DIS3: variants seen among roughly 807,000 people sequenced by gnomAD.
The protein encoded by DIS3 is DIS3 exosome endoribonuclease and 3'-5' exoribonuclease.
DIS3 carries 103 observed loss-of-function variants against 113.0 expected under a neutral mutation model. That is an observed-to-expected ratio of 0.91 (90% CI 0.78 to 1.07). DIS3 has a LOEUF of 1.07. Among genes scored for constraint, DIS3 ranks in the 50% least tolerant of loss-of-function variants. The pLI, the probability that DIS3 is intolerant of heterozygous loss-of-function variation, is 0.00. For synonymous variants in DIS3, 402 were observed against 394.3 expected (o/e 1.02, Z -0.23); for missense variants, 1,121 against 1,167.1 (o/e 0.96, Z 0.58).
In DIS3 at chr13:72,763,668, A is replaced by G. The variant is rs1489184588; in HGVS notation, c.1971-61T>C. On this transcript the variant is annotated intron_variant, in intron 15 of 20. Transcript: ENST00000377767. ...AGAATCTGAGACTTCTATATATCAT[A>G]TTTTTTCACAGGTTACCTTTGTTAC... 11 of 1,486,078 alleles carry G rather than the reference A, an allele frequency of 7.4e-6. No individual in the cohort carries two copies. In the East Asian group the frequency reaches 2.1e-4, roughly 29 times the overall value. 92.1% of individuals were successfully genotyped at this position (1,486,078 alleles called of 1,614,324 possible). A position where few individuals can be genotyped will look rare whatever the true frequency, so the allele number is the denominator to read the frequency against.
intron 3 of DIS3, 122 bp downstream of exon 3, chr13:72,778,065 C>T: frequency 2.3e-6 from 2 of 873,974 alleles, no homozygotes; most frequent in Non-Finnish European, 3.2e-6. Context: ...AAAAATATCA[C>T]ATGAAGTTAT....
chr13:72,775,626 A>G (rs2138222819), intron 5 of DIS3, among the ~76,000 whole-genome samples: 1 of 152,292 alleles, frequency 6.6e-6, no homozygotes, highest in Admixed American at 6.5e-5. Context: ...ACTGGTAACA[A>G]GAGACTTTGG....
chr13:72,771,256 C>T (rs1024255996), intron 11 of DIS3, 111 bp from the exon 12 acceptor site: 4 of 876,032 alleles, frequency 4.6e-6, no homozygotes, highest in Admixed American at 2.9e-5. Flanking sequence ...GAGTGTTCTG[C>T]TTTTTGTAAA....
rs562588631 is a variant in DIS3 at position 72,753,981 on chromosome 13, T to C, written c.*5814A>G. 1.4e-6 allele frequency: 1 copy of C among 715,656 alleles called. No homozygotes were observed. Among genetic ancestry groups the C allele is most frequent in the South Asian group, 2.2e-5 (1 of 46,300 alleles). The allele number at this position is 715,656 out of a possible 1,614,324, so 44.3% of individuals were successfully genotyped here. On this transcript the variant is annotated 3_prime_UTR_variant, in exon 21 of 21. Coordinates refer to ENST00000377767, the MANE Select transcript of DIS3 (RefSeq NM_014953.5). ...ATCCAATAACCTTTAAATATTTTGG[T>C]TACTCTGAATACACAAGTATCTTAC...
At position 72,780,764 on chromosome 13, in the gene DIS3, G is replaced by A. The variant is rs76821377; in HGVS notation, c.386+82C>T. On this transcript the variant is annotated intron_variant, in intron 2 of 20. Transcript: ENST00000377767. ...AATCTATCACTTATCTTCTGACAAT[G>A]TCATAAATTACTCACAGGAACCCTC... is the stretch of plus-strand genomic sequence containing the variant. 3,559 of 1,275,816 alleles carry A rather than the reference G, an allele frequency of 2.8e-3. 97 individuals carry two copies. The African/African-American group carries it at 0.048, about 17-fold the overall frequency. The allele number at this position is 1,275,816 out of a possible 1,614,324, so 79.0% of individuals were successfully genotyped here.
At position 72,760,557 on chromosome 13, in the gene DIS3, T is replaced by C. The variant is rs1015764647; in HGVS notation, c.2765A>G (p.Lys922Arg). 1 of 1,613,680 alleles carries C rather than the reference T, an allele frequency of 6.2e-7. No homozygotes were observed. Among genetic ancestry groups the C allele is most frequent in the Admixed American group, 1.7e-5 (1 of 60,006 alleles). Residue 922 changes from lysine (K) to arginine (R), a missense_variant, in exon 20 of 21, where the codon AAG (lysine) becomes AGG (arginine). Coordinates refer to ENST00000377767, the MANE Select transcript of DIS3 (RefSeq NM_014953.5). ...MLDSSNLQHQKIRMSLVEPQI... is the reference protein window; with the variant it reads ...MLDSSNLQHQRIRMSLVEPQI... ...TGGTTCTACCAGGGACATTCGGATC[T>C]TCTGATGTTGAAGATTAGATGAGTC... is the stretch of plus-strand genomic sequence containing the variant.
At chr13:72,760,407 T>A (rs1335510452) in intron 20 of DIS3, 122 bp downstream of exon 20, 5 of 1,193,588 alleles carry the variant, frequency 4.2e-6, no homozygotes, top group Non-Finnish European at 6.0e-6. Context: ...ATGCAAATAT[T>A]TGGTTTCTAC....
At position 72,778,277 on chromosome 13, in the gene DIS3, A is replaced by G. The variant is rs1168294735; in HGVS notation, c.490T>C (p.Ser164Pro). 3 of 1,607,100 alleles carry G rather than the reference A, an allele frequency of 1.9e-6. No individual in the cohort carries two copies. The highest frequency in any genetic ancestry group is 2.6e-6 in the Non-Finnish European group (3 of 1,174,934). Residue 164 changes from serine (S) to proline (P), a missense_variant, in exon 3 of 21, where the codon TCA becomes CCA. By Grantham distance (74) the Ser-to-Pro change is moderately conservative (BLOSUM62 -1). Around this residue, in one of 3 missense-constraint regions of DIS3, gnomAD observed 254 missense variants for 232.2 expected, o/e 1.09. Transcript: ENST00000377767. ...ATAACTTGCAGCTGGTTGTCTGCTG[A>G]CATTTTTTTCAAATGTTCATTGTAC... ...KWYNEHLKKM[S>P]ADNQLQVIFI...
Position 72,775,336 on chromosome 13 carries a change from G to C in DIS3, c.862C>G (p.His288Asp). Residue 288 changes from histidine (H) to aspartate (D), a missense_variant, in exon 6 of 21, where the codon CAC (histidine) becomes GAC (aspartate). Coordinates refer to ENST00000377767, the MANE Select transcript of DIS3 (RefSeq NM_014953.5). ...AGCTCCACAGCCACAATATCTTCGT[G>C]AACAGCTCTGTTTAAATGTTTAAGT... The part of the protein sequence containing the change: ...QGLKHLNRAV[H>D]EDIVAVELLP... 1 of 1,613,372 alleles carries C rather than the reference G, an allele frequency of 6.2e-7. No homozygotes were observed. Among genetic ancestry groups the C allele is most frequent in the South Asian group, 1.1e-5 (1 of 90,972 alleles).
intron 14 of DIS3, among the ~76,000 whole-genome samples, chr13:72,766,825 GAAGGAA>G (rs926217503): frequency 5.9e-5 from 9 of 152,224 alleles, no homozygotes; most frequent in African/African-American, 1.9e-4. Flanking sequence ...CAATCATGGA[GAAGGAA>G]AAGAAGGGGA....
chr13:72,778,961 A>G (rs1443032998), intron 2 of DIS3, among the ~76,000 whole-genome samples: 1 of 152,198 alleles, frequency 6.6e-6, no homozygotes, highest in African/African-American at 2.4e-5. Flanking sequence ...ACATTCATCT[A>G]TTTCTTTAAA....
Position 72,768,783 on chromosome 13 carries a change from A to G in DIS3, c.1883+2T>C, listed in dbSNP as rs768146213. 3.1e-6 allele frequency: 5 copies of G among 1,590,714 alleles called. No homozygotes were observed. In the South Asian group the frequency reaches 4.6e-5, roughly 15 times the overall value. On this transcript the variant is annotated splice_donor_variant, in intron 14 of 20. Transcript: ENST00000377767. LOFTEE classifies it high-confidence loss of function. ...CTTAATACTATGAAAAACAAAATAT[A>G]CCCTTTTTCAATCCTTCTTTTCTTC...
In DIS3 at chr13:72,754,827, C is replaced by T. The variant is rs1010476389; in HGVS notation, c.*4968G>A. The T allele has an allele frequency of 9.4e-6, 2 of 213,784 alleles. No homozygotes were observed. The highest frequency in any genetic ancestry group is 1.9e-5 in the Non-Finnish European group (2 of 107,522). 13.2% of individuals were successfully genotyped at this position (213,784 alleles called of 1,614,324 possible). ...ACCTCCCAGACTCAAGCAGTCTTACCACCTCAGCCTCCTGAGTAGCTAGGG... is the reference window on the plus strand; with the variant it reads ...ACCTCCCAGACTCAAGCAGTCTTACTACCTCAGCCTCCTGAGTAGCTAGGG... On this transcript the variant is annotated 3_prime_UTR_variant, in exon 21 of 21. Transcript: ENST00000377767.
At chr13:72,780,575 A>C (rs952693763) in intron 2 of DIS3, among the ~76,000 whole-genome samples, 36 of 152,074 alleles carry the variant, frequency 2.4e-4, no homozygotes, top group African/African-American at 8.2e-4. Context: ...TCATGCTAAA[A>C]CCAATTCAAA....
At chr13:72,778,466 TA>T in intron 2 of DIS3, 86 bp from the exon 3 acceptor site, 1 of 1,106,826 alleles carries the variant, frequency 9.0e-7, no homozygotes, top group Non-Finnish European at 1.2e-6. Context: ...GCTTAACCAC[TA>T]AACTAGAAAA....
At chr13:72,776,170 G>T (rs2034014158) in intron 4 of DIS3, 78 bp from the exon 5 acceptor site, 4 of 1,378,054 alleles carry the variant, frequency 2.9e-6, no homozygotes, top group South Asian at 3.1e-5. Context: ...TAATATCAGA[G>T]AATTTTTGAA....
chr13:72,777,373 T>G, intron 4 of DIS3, 47 bp downstream of exon 4: 1 of 1,567,678 alleles, frequency 6.4e-7, no homozygotes, highest in South Asian at 1.1e-5. Flanking sequence ...TATTCCAAAG[T>G]GGCTATTTTA....
chr13:72,774,431 T>C (rs1464092813), intron 6 of DIS3, among the ~76,000 whole-genome samples: 1 of 152,194 alleles, frequency 6.6e-6, no homozygotes, highest in Non-Finnish European at 1.5e-5. Context: ...AAATTAGCTA[T>C]GTGGTATGGT....
intron 8 of DIS3, 129 bp from the exon 9 acceptor site, chr13:72,772,968 G>C (rs1446830540): frequency 9.3e-7 from 1 of 1,071,600 alleles, no homozygotes; most frequent in African/African-American, 1.6e-5. Flanking sequence ...TCTGAAAAAT[G>C]ACCCTTTAGT....
Sources: allele counts gnomAD v4.1 joint callset (sites outside exome capture counted in the v4.1 genomes callset), GRCh38; gene constraint gnomAD v4.1.1; regional missense constraint gnomAD v4.1.1; transcripts MANE v1.5; gene names NCBI Gene and HGNC (gene_info 2026-07-23, HGNC 2026-07-21).